Variants in SLC24A2 observed in about 807,000 individuals in gnomAD.
SLC24A2 encodes the protein solute carrier family 24 member 2, also known as sodium/potassium/calcium exchanger 2.
SLC24A2 carries 36 observed loss-of-function variants against 62.0 expected under a neutral mutation model. The ratio of observed to expected loss-of-function variants is 0.58; its 90% confidence interval spans 0.44 to 0.77. SLC24A2 has a LOEUF of 0.77. Among genes scored for constraint, SLC24A2 ranks in the 30% least tolerant of loss-of-function variants. SLC24A2 has a pLI of 0.00. For missense variants in SLC24A2, 846 were observed against 817.9 expected, an observed-to-expected ratio of 1.03 and a Z score of -0.42; for synonymous variants, 358 against 294.0, an observed-to-expected ratio of 1.22 and a Z score of -2.23.
the SLC24A2 span, chr9:19,895,810 T>G: frequency 6.9e-6 from 11 of 1,598,424 alleles, no homozygotes; most frequent in African/African-American, 1.3e-5. Context: ...TCTGCTTGGG[T>G]TGCAGCTGGT....
chr9:19,992,963 A>T, the SLC24A2 span, among the ~76,000 whole-genome samples: 49 of 152,234 alleles, frequency 3.2e-4, 1 homozygote, highest in Admixed American at 2.3e-3. Context: ...ACCATGGCTC[A>T]GTCAGTGGTA....
intron 2 of SLC24A2, among the ~76,000 whole-genome samples, chr9:19,670,742 G>C (rs1819390271): frequency 6.6e-6 from 1 of 152,164 alleles, no homozygotes; most frequent in South Asian, 2.1e-4. Flanking sequence ...CCAAACTCTT[G>C]TATGTCTCAG....
chr9:19,533,349 C>T (rs888372210), intron 8 of SLC24A2, among the ~76,000 whole-genome samples: 2 of 152,148 alleles, frequency 1.3e-5, no homozygotes, highest in Non-Finnish European at 2.9e-5. Flanking sequence ...TGTGGAAGCA[C>T]ATAAGTTCTA....
intron 5 of SLC24A2, among the ~76,000 whole-genome samples, chr9:19,577,626 G>T (rs1265114558): frequency 1.3e-5 from 2 of 152,066 alleles, no homozygotes; most frequent in Non-Finnish European, 2.9e-5. Context: ...TGCAATTAAG[G>T]CATTAAGAAG....
the SLC24A2 span, among the ~76,000 whole-genome samples, chr9:19,878,187 A>G: frequency 6.6e-6 from 1 of 152,130 alleles, no homozygotes; most frequent in Non-Finnish European, 1.5e-5. Flanking sequence ...CTTATTGCCA[A>G]GCTGCCAGAA....
intron 2 of SLC24A2, among the ~76,000 whole-genome samples, chr9:19,763,843 G>A (rs572758025): frequency 6.6e-6 from 1 of 152,282 alleles, no homozygotes; most frequent in African/African-American, 2.4e-5. Context: ...AGTTAGGGAG[G>A]ACTTTCTCTT....
At chr9:19,644,529 T>C (rs2118106208) in intron 2 of SLC24A2, among the ~76,000 whole-genome samples, 1 of 152,320 alleles carries the variant, frequency 6.6e-6, no homozygotes, top group South Asian at 2.1e-4. Context: ...CGTATGATTG[T>C]AAGTGAACAA....
intron 8 of SLC24A2, among the ~76,000 whole-genome samples, chr9:19,540,650 A>G (rs924554370): frequency 4.2e-5 from 6 of 143,780 alleles, no homozygotes; most frequent in Non-Finnish European, 7.5e-5. Flanking sequence ...TTTTTCCTTC[A>G]TTTCAACTTT....
chr9:20,201,348 C>T, the SLC24A2 span, among the ~76,000 whole-genome samples: 3 of 152,188 alleles, frequency 2.0e-5, no homozygotes, highest in Admixed American at 6.5e-5. Context: ...CACAGATGGC[C>T]TCATCTCACG....
intron 2 of SLC24A2, among the ~76,000 whole-genome samples, chr9:19,675,897 T>C (rs1348402432): frequency 2.6e-5 from 4 of 152,136 alleles, no homozygotes; most frequent in Non-Finnish European, 4.4e-5. Context: ...TTGGTCAAAA[T>C]TGTTACAAAG....
the SLC24A2 span, among the ~76,000 whole-genome samples, chr9:20,093,917 C>T: frequency 1.3e-5 from 2 of 151,718 alleles, no homozygotes; most frequent in African/African-American, 4.8e-5. Context: ...TCTCATGTAG[C>T]CCATAAATAT....
chr9:19,533,086 C>A (rs1439855006), intron 8 of SLC24A2, among the ~76,000 whole-genome samples: 1 of 152,186 alleles, frequency 6.6e-6, no homozygotes, highest in East Asian at 1.9e-4. Context: ...TCAACAAACA[C>A]TGTCATACAA....
At chr9:19,741,687 T>C (rs987945651) in intron 2 of SLC24A2, among the ~76,000 whole-genome samples, 3 of 152,188 alleles carry the variant, frequency 2.0e-5, no homozygotes, top group Non-Finnish European at 4.4e-5. Flanking sequence ...CTGTTGAAGA[T>C]GTGAGTTCTG....
chr9:19,633,314 C>T (rs1249590259), intron 2 of SLC24A2, among the ~76,000 whole-genome samples: 1 of 152,076 alleles, frequency 6.6e-6, no homozygotes, highest in Non-Finnish European at 1.5e-5. Context: ...GATATATGCC[C>T]AAGAGTACAA....
chr9:20,025,435 T>C, the SLC24A2 span, among the ~76,000 whole-genome samples: 1 of 152,120 alleles, frequency 6.6e-6, no homozygotes, highest in Non-Finnish European at 1.5e-5. Flanking sequence ...TACAAATTAA[T>C]CAGGAAAAAT....
the SLC24A2 span, among the ~76,000 whole-genome samples, chr9:19,844,884 T>C: frequency 2.0e-5 from 3 of 152,150 alleles, no homozygotes. Flanking sequence ...TATGTCTGTT[T>C]TTGTACCAGT....
At chr9:20,061,338 G>C in the SLC24A2 span, among the ~76,000 whole-genome samples, 8 of 151,912 alleles carry the variant, frequency 5.3e-5, no homozygotes, top group Non-Finnish European at 1.0e-4. Context: ...AGGCTGGAAG[G>C]CAGTGGTGCA....
At chr9:20,014,093 A>C in the SLC24A2 span, among the ~76,000 whole-genome samples, 1 of 152,138 alleles carries the variant, frequency 6.6e-6, no homozygotes, top group African/African-American at 2.4e-5. Context: ...CTATAGTCTC[A>C]GCTACTCAGA....
intron 2 of SLC24A2, among the ~76,000 whole-genome samples, chr9:19,770,456 A>T (rs1351932808): frequency 6.6e-6 from 1 of 152,160 alleles, no homozygotes; most frequent in Admixed American, 6.5e-5. Flanking sequence ...TTTGAACTTT[A>T]CACTAAAAAT....
Sources: allele counts gnomAD v4.1 joint callset (sites outside exome capture counted in the v4.1 genomes callset), GRCh38; gene constraint gnomAD v4.1.1; transcripts MANE v1.5; gene names NCBI Gene and HGNC (gene_info 2026-07-23, HGNC 2026-07-21).